Variants in ATP7A observed in about 807,000 individuals in gnomAD.
The protein encoded by ATP7A is copper-transporting ATPase 1.
Under a neutral mutation model 83.5 loss-of-function variants are expected in ATP7A, and 7 were observed. The ratio of observed to expected loss-of-function variants is 0.08; its 90% CI spans 0.05 to 0.16. The LOEUF (loss-of-function observed/expected upper bound fraction) is 0.16, where lower values mean the gene tolerates loss of function less well. ATP7A is among the 10% of genes least tolerant of loss of function. The pLI is 1.00. For synonymous variants in ATP7A, 354 were observed against 395.2 expected (o/e 0.90, Z 1.24); for missense variants, 940 against 1,120.8 (o/e 0.84, Z 2.30).
intron 18 of ATP7A, among the ~76,000 whole-genome samples, chrX:78,039,753 T>C (rs1437460935): frequency 8.9e-6 from 1 of 112,610 alleles, no homozygotes; most frequent in African/African-American, 3.2e-5. Context: ...TTATCGTAAG[T>C]AAATTTTACC....
At position 78,011,803 on chromosome X, in the gene ATP7A, C is replaced by T. The variant is rs782352523; in HGVS notation, c.2172+129C>T. ...TGATCATTTTATGCCATATGCTTTA[C>T]AAAAATAATCTTCAACTGGGTAGTT... On this transcript the variant is annotated intron_variant, in intron 9 of 22. Coordinates refer to ENST00000341514, the MANE Select transcript of ATP7A (RefSeq NM_000052.7). The T allele has an allele frequency of 7.6e-6, 5 of 659,609 alleles. No homozygotes were observed. The South Asian group carries it at 8.8e-5, about 12-fold the overall frequency. 54.4% of individuals were successfully genotyped at this position (659,609 alleles called of 1,213,427 possible).
chrX:77,944,074 C>T (rs1396481362), intron 1 of ATP7A, among the ~76,000 whole-genome samples: 3 of 111,921 alleles, frequency 2.7e-5, no homozygotes, highest in East Asian at 2.8e-4. Context: ...ATACCCTTGA[C>T]CATGCTTAAT....
intron 1 of ATP7A, among the ~76,000 whole-genome samples, chrX:77,943,381 T>C (rs1404438473): frequency 3.6e-5 from 4 of 111,685 alleles, no homozygotes; most frequent in Non-Finnish European, 7.5e-5. Flanking sequence ...GTTTCCTCTT[T>C]GTTATCTTTA....
At chrX:78,013,303 A>C (rs781850744) in intron 10 of ATP7A, among the ~76,000 whole-genome samples, 191 bp downstream of exon 10, 42 of 112,177 alleles carry the variant, frequency 3.7e-4, no homozygotes, top group Non-Finnish European at 6.6e-4. Flanking sequence ...TTAATACTGT[A>C]GATAGTACAG....
intron 1 of ATP7A, among the ~76,000 whole-genome samples, chrX:77,912,495 T>A (rs1284058111): frequency 9.0e-6 from 1 of 111,300 alleles, no homozygotes; most frequent in Non-Finnish European, 1.9e-5. Context: ...AGAAAAAATA[T>A]AGAATACAAA....
intron 17 of ATP7A, among the ~76,000 whole-genome samples, chrX:78,038,587 T>C (rs1186157725): frequency 9.0e-6 from 1 of 111,048 alleles, no homozygotes. Flanking sequence ...TTGAAGAATG[T>C]GATTGAGTTT....
intron 5 of ATP7A, 34 bp from the exon 6 acceptor site, chrX:78,003,039 T>A (rs782315116): frequency 1.7e-6 from 2 of 1,157,409 alleles, no homozygotes; most frequent in South Asian, 3.6e-5. Context: ...AAAAAGAATG[T>A]TATCTGTATT....
intron 14 of ATP7A, among the ~76,000 whole-genome samples, chrX:78,024,488 G>A (rs2077929256): frequency 9.0e-6 from 1 of 111,662 alleles, no homozygotes; most frequent in African/African-American, 3.3e-5. Flanking sequence ...TTCCCACCAG[G>A]GGCCAGCTAG....
chrX:77,915,350 T>C (rs1557222406), intron 1 of ATP7A, among the ~76,000 whole-genome samples: 3 of 108,349 alleles, frequency 2.8e-5, no homozygotes. Context: ...AAGCCTGTCT[T>C]GTCTGGCTCA....
At chrX:78,035,712 G>A (rs1483621378) in intron 17 of ATP7A, among the ~76,000 whole-genome samples, 3 of 111,570 alleles carry the variant, frequency 2.7e-5, no homozygotes, top group Non-Finnish European at 3.8e-5. Flanking sequence ...TCCTTACGGT[G>A]TGTCATTTCC....
chrX:77,916,188 C>G (rs924782329), intron 1 of ATP7A, among the ~76,000 whole-genome samples: 10 of 109,223 alleles, frequency 9.2e-5, no homozygotes, highest in Admixed American at 3.9e-4. Context: ...AACCCCATCT[C>G]TACAAAAATT....
At chrX:77,949,727 A>G (rs1250219648) in intron 1 of ATP7A, among the ~76,000 whole-genome samples, 3 of 111,958 alleles carry the variant, frequency 2.7e-5, no homozygotes, top group African/African-American at 9.7e-5. Flanking sequence ...GTTGGTTAAG[A>G]TAAATTTTTG....
At chrX:77,998,401 A>G in intron 4 of ATP7A, 77 bp from the exon 5 acceptor site, 3 of 983,180 alleles carry the variant, frequency 3.1e-6, no homozygotes, top group South Asian at 1.9e-5. Flanking sequence ...GCCTGGAGGT[A>G]TGGATTGTGA....
intron 2 of ATP7A, among the ~76,000 whole-genome samples, chrX:77,981,686 T>A (rs1426429285): frequency 9.0e-6 from 1 of 111,228 alleles, no homozygotes; most frequent in Non-Finnish European, 1.9e-5. Flanking sequence ...TGAGAATATA[T>A]TAGAAATGAG....
intron 6 of ATP7A, among the ~76,000 whole-genome samples, chrX:78,003,475 A>G (rs1201397305): frequency 1.8e-5 from 2 of 111,074 alleles, no homozygotes; most frequent in East Asian, 5.5e-4. Context: ...ATGAAAATTA[A>G]CATTTAAAAT....
Position 78,049,284 on chromosome X carries a change from A to G in ATP7A, c.*2714A>G, listed in dbSNP as rs184990005. On this transcript the variant is annotated 3_prime_UTR_variant, in exon 23 of 23. Coordinates refer to ENST00000341514, the MANE Select transcript of ATP7A (RefSeq NM_000052.7). ...CATACATATATATATACACACATAT[A>G]TATGTACATACACATACATACATAT... is the stretch of plus-strand genomic sequence containing the variant. 2.7e-5 allele frequency: 3 copies of G among 112,357 alleles called. No individual in the cohort carries two copies. Among genetic ancestry groups the G allele is most frequent in the Non-Finnish European group, 3.8e-5 (2 of 53,155 alleles). 9.3% of individuals were successfully genotyped at this position (112,357 alleles called of 1,213,427 possible).
At chrX:78,039,395 G>A (rs1038098354) in intron 18 of ATP7A, among the ~76,000 whole-genome samples, 3 of 111,156 alleles carry the variant, frequency 2.7e-5, no homozygotes, top group African/African-American at 3.3e-5. Flanking sequence ...GTGCAATGAT[G>A]TGATTCGGCT....
At chrX:78,008,439 A>C (rs1557233978) in intron 6 of ATP7A, among the ~76,000 whole-genome samples, 1 of 111,567 alleles carries the variant, frequency 9.0e-6, no homozygotes, top group Non-Finnish European at 1.9e-5. Flanking sequence ...GGAAAGATAC[A>C]TTTTTAGACA....
At chrX:77,931,443 T>G (rs1309914340) in intron 1 of ATP7A, among the ~76,000 whole-genome samples, 3 of 112,153 alleles carry the variant, frequency 2.7e-5, no homozygotes, top group Admixed American at 9.3e-5. Context: ...ACCATCCGAT[T>G]TCTCAATCTT....
Sources: allele counts gnomAD v4.1 joint callset (sites outside exome capture counted in the v4.1 genomes callset), GRCh38; gene constraint gnomAD v4.1.1; transcripts MANE v1.5; gene names NCBI Gene and HGNC (gene_info 2026-07-23, HGNC 2026-07-21).